The following OR1L8 variants were observed in gnomAD, a reference collection of about 807,000 sequenced individuals.
OR1L8 encodes the protein olfactory receptor 1L8.
For missense variants in OR1L8, 330 were observed against 377.4 expected (o/e 0.87, Z 1.04); for synonymous variants, 148 against 147.0 (o/e 1.01, Z -0.05).
intron 4 of OR1L8, among the ~76,000 whole-genome samples, chr9:122,569,921 T>C (rs1275368602): frequency 1.3e-5 from 2 of 149,430 alleles, no homozygotes; most frequent in African/African-American, 2.5e-5. Flanking sequence ...TGAGTGAGAA[T>C]ATGCGGTGTT....
At chr9:122,556,285 T>TA in the OR1L8 span, among the ~76,000 whole-genome samples, 1 of 146,358 alleles carries the variant, frequency 6.8e-6, no homozygotes, top group Non-Finnish European at 1.5e-5. Flanking sequence ...CTAGATTCTT[T>TA]TTTTTTTTTC....
At position 122,572,034 on chromosome 9, in the gene OR1L8, G is replaced by T. The variant is rs578225616; in HGVS notation, c.-213+746C>A. 2.1e-3 allele frequency among the ~76,000 whole-genome samples: 319 copies of T among 152,310 alleles called. 1 individual carries two copies. Among genetic ancestry groups the T allele is most frequent in the African/African-American group, 7.1e-3 (294 of 41,570 alleles). On this transcript the variant is annotated intron_variant, in intron 4 of 4. Coordinates refer to ENST00000641027, the MANE Select transcript of OR1L8 (RefSeq NM_001004454.2). ...CAGGAAACTTTTATTCATGGTGGAA[G>T]GCAAAGCCGGAGCAGGCATCTTACA...
the OR1L8 span, chr9:122,554,284 G>T: frequency 1.5e-6 from 1 of 651,484 alleles, no homozygotes; most frequent in Non-Finnish European, 2.5e-6. Context: ...CTGAGTTAGG[G>T]ATGTAAAAAA....
At chr9:122,547,119 TA>T in the OR1L8 span, among the ~76,000 whole-genome samples, 10 of 151,138 alleles carry the variant, frequency 6.6e-5, no homozygotes, top group Non-Finnish European at 1.5e-4. Context: ...GTGAGCCACA[TA>T]AAAAAATAAT....
chr9:122,562,049 T>C, the OR1L8 span, among the ~76,000 whole-genome samples: 1 of 151,988 alleles, frequency 6.6e-6, no homozygotes, highest in Non-Finnish European at 1.5e-5. Context: ...GTTGTTGGAG[T>C]TCCTGCAGGG....
chr9:122,549,933 T>G, the OR1L8 span, among the ~76,000 whole-genome samples: 1 of 152,300 alleles, frequency 6.6e-6, no homozygotes, highest in East Asian at 1.9e-4. Flanking sequence ...GCATTGAATC[T>G]ATAGATTGCT....
At chr9:122,551,844 C>A in the OR1L8 span, among the ~76,000 whole-genome samples, 949 of 152,176 alleles carry the variant, frequency 6.2e-3, 7 homozygotes, top group Non-Finnish European at 0.011. Flanking sequence ...AAGCTGAAAT[C>A]GAGCCATACA....
At chr9:122,557,559 C>T in the OR1L8 span, among the ~76,000 whole-genome samples, 1 of 152,042 alleles carries the variant, frequency 6.6e-6, no homozygotes, top group East Asian at 1.9e-4. Context: ...ATAAATCCCA[C>T]TTGGATATGG....
downstream of OR1L8, among the ~76,000 whole-genome samples, chr9:122,562,493 C>A (rs1354229772): frequency 6.6e-6 from 1 of 152,208 alleles, no homozygotes; most frequent in Non-Finnish European, 1.5e-5. Context: ...TTGCACAGTT[C>A]TGTGGAAAAA....
At chr9:122,561,305 TTTG>T in the OR1L8 span, among the ~76,000 whole-genome samples, 1 of 152,102 alleles carries the variant, frequency 6.6e-6, no homozygotes, top group Non-Finnish European at 1.5e-5. Context: ...CTCAGCAGAG[TTTG>T]TTATTACCCA....
chr9:122,572,201 T>C (rs1219321925), intron 4 of OR1L8, among the ~76,000 whole-genome samples: 1 of 152,040 alleles, frequency 6.6e-6, no homozygotes, highest in Admixed American at 6.6e-5. Flanking sequence ...CATGATCACC[T>C]CCCACTAGGG....
At chr9:122,550,932 A>T in the OR1L8 span, among the ~76,000 whole-genome samples, 1 of 152,138 alleles carries the variant, frequency 6.6e-6, no homozygotes, top group African/African-American at 2.4e-5. Context: ...GGGAAAAAAA[A>T]AAAAGACATC....
chr9:122,580,480 A>ATATGGTCACT (rs1234849244), intron 1 of OR1L8, among the ~76,000 whole-genome samples: 2 of 152,190 alleles, frequency 1.3e-5, no homozygotes, highest in Non-Finnish European at 2.9e-5. Flanking sequence ...GTAAGTTTCC[A>ATATGGTCACT]TATGGTCAAA....
the OR1L8 span, among the ~76,000 whole-genome samples, chr9:122,558,376 C>T: frequency 1.0e-5 from 1 of 96,530 alleles, no homozygotes; most frequent in East Asian, 3.9e-4. Context: ...TTTTATCTCT[C>T]ACCTTTTGGA....
the OR1L8 span, among the ~76,000 whole-genome samples, chr9:122,546,978 A>G: frequency 1.4e-3 from 211 of 152,210 alleles, no homozygotes; most frequent in African/African-American, 4.9e-3. Context: ...CCTTCTAGCT[A>G]CTTGAAACTA....
intron 1 of OR1L8, among the ~76,000 whole-genome samples, chr9:122,583,039 A>G (rs1829757803): frequency 6.6e-6 from 1 of 152,068 alleles, no homozygotes; most frequent in Non-Finnish European, 1.5e-5. Context: ...TTAACATAAT[A>G]TAATCAGAGA....
intron 4 of OR1L8, among the ~76,000 whole-genome samples, chr9:122,570,672 G>A (rs1178174412): frequency 6.6e-6 from 1 of 152,232 alleles, no homozygotes; most frequent in Admixed American, 6.5e-5. Flanking sequence ...TGATATTCCT[G>A]CATGTTCTCA....
chr9:122,568,668 C>T lies in OR1L8; in HGVS notation c.-191G>A, dbSNP rs989165599. 9.6e-6 allele frequency: 5 copies of T among 520,630 alleles called. No individual in the cohort carries two copies. The East Asian group carries it at 1.2e-4, about 13-fold the overall frequency. 32.3% of individuals were successfully genotyped at this position (520,630 alleles called of 1,614,324 possible). A position where few individuals can be genotyped will look rare whatever the true frequency, so the allele number is the denominator to read the frequency against. Reference sequence around the variant, plus strand: ...CCTCCCTTCCCAAATCTATGGGCTCCATAAGGGCATTATATTGAAATCTGG... The same window carrying T: ...CCTCCCTTCCCAAATCTATGGGCTCTATAAGGGCATTATATTGAAATCTGG... On this transcript the variant is annotated 5_prime_UTR_variant, in exon 5 of 5. The change abolishes an upstream ATG in the 5' untranslated region. Transcript: ENST00000641027.
At chr9:122,554,732 C>A in the OR1L8 span, among the ~76,000 whole-genome samples, 4 of 152,044 alleles carry the variant, frequency 2.6e-5, no homozygotes, top group African/African-American at 4.8e-5. Flanking sequence ...TGAATGATAA[C>A]AATAGGAGAA....
Sources: gnomAD v4.1 joint callset for allele counts (sites outside exome capture counted in the v4.1 genomes callset) on GRCh38, gnomAD v4.1.1 for gene constraint, MANE v1.5 for transcripts, NCBI Gene and HGNC (gene_info 2026-07-23, HGNC 2026-07-21) for gene names.